The following KIFBP variants were observed in gnomAD, a reference collection of about 807,000 sequenced individuals.
The protein encoded by KIFBP is KIF-binding protein.
KIFBP carries 46 observed loss-of-function variants against 58.9 expected under a neutral mutation model. The ratio of observed to expected loss-of-function variants is 0.78; its 90% CI spans 0.62 to 1.00. KIFBP has a LOEUF of 1.00. Ranked by LOEUF, KIFBP falls within the 50% of genes least tolerant of loss-of-function variation. The pLI is 0.00. For synonymous variants in KIFBP, 241 were observed against 283.4 expected (o/e 0.85, Z 1.50); for missense variants, 651 against 752.9 (o/e 0.86, Z 1.58).
chr10:69,008,391 A>ATAAATAT (rs1554843385), intron 4 of KIFBP, among the ~76,000 whole-genome samples: 1 of 71,614 alleles, frequency 1.4e-5, no homozygotes, highest in East Asian at 3.7e-4. Flanking sequence ...AAAAAAAAAA[A>ATAAATAT]ATATATATAT....
intron 6 of KIFBP, among the ~76,000 whole-genome samples, chr10:69,014,470 G>A (rs1838960520): frequency 6.6e-6 from 1 of 152,180 alleles, no homozygotes; most frequent in African/African-American, 2.4e-5. Flanking sequence ...TGGAGCTGAG[G>A]GAGAGGGAGT....
chr10:69,013,026 C>T (rs778618791), intron 6 of KIFBP, among the ~76,000 whole-genome samples: 6 of 151,880 alleles, frequency 4.0e-5, no homozygotes, highest in Non-Finnish European at 7.4e-5. Flanking sequence ...CATGTCTTAC[C>T]ATGGCAAGCA....
rs1839002665 is a variant in KIFBP at position 69,016,124 on chromosome 10, G to A, written c.1574G>A (p.Arg525Lys). ...TACCAGCTCTTCTTAGACTCCCTGAGAGACCCAAATAAAGTATTCCCTGAG... is the reference window on the plus strand; with the variant it reads ...TACCAGCTCTTCTTAGACTCCCTGAAAGACCCAAATAAAGTATTCCCTGAG... ...KYYQLFLDSL[R>K]DPNKVFPEHI... is the part of the protein sequence containing the mutation. The change falls in exon 7 of 7, where the codon AGA becomes AAA. Residue 525 changes from arginine to lysine, a missense_variant. Arg to Lys is a conservative substitution (Grantham distance 26). Transcript: ENST00000361983. 1 of 1,614,140 alleles carries A rather than the reference G, an allele frequency of 6.2e-7. No individual in the cohort carries two copies. Among genetic ancestry groups the A allele is most frequent in the Non-Finnish European group, 8.5e-7 (1 of 1,180,020 alleles).
At chr10:69,001,253 G>C (rs1843462053) in intron 2 of KIFBP, among the ~76,000 whole-genome samples, 1 of 152,090 alleles carries the variant, frequency 6.6e-6, no homozygotes, top group African/African-American at 2.4e-5. Flanking sequence ...CCCCACTGCA[G>C]TAGCACAAAA....
At position 69,015,530 on chromosome 10, in the gene KIFBP, T is replaced by G. The variant is rs1200836912; in HGVS notation, c.991-11T>G. 3 of 1,612,650 alleles carry G rather than the reference T, an allele frequency of 1.9e-6. No homozygotes were observed. Among genetic ancestry groups the G allele is most frequent in the Non-Finnish European group, 1.7e-6 (2 of 1,179,592 alleles). On this transcript the variant is annotated splice_polypyrimidine_tract_variant and intron_variant, in intron 6 of 6. Transcript: ENST00000361983. ...TCCTACTTAACCATAATTTATTTTTTTTTCCTTCAGGACAACATAGGAGAG... is the reference window on the plus strand; with the variant it reads ...TCCTACTTAACCATAATTTATTTTTGTTTCCTTCAGGACAACATAGGAGAG...
intron 2 of KIFBP, among the ~76,000 whole-genome samples, chr10:69,003,925 A>T (rs1843499537): frequency 6.6e-6 from 1 of 152,102 alleles, no homozygotes; most frequent in South Asian, 2.1e-4. Context: ...TGCCATTTGA[A>T]ATACTTAAAG....
At chr10:69,015,503 T>C in intron 6 of KIFBP, 38 bp from the exon 7 acceptor site, 2 of 1,590,556 alleles carry the variant, frequency 1.3e-6, no homozygotes, top group Non-Finnish European at 1.7e-6. Flanking sequence ...AGGAGGTGAG[T>C]GTCCTACTTA....
chr10:69,012,396 G>C (rs1843605355), intron 6 of KIFBP, among the ~76,000 whole-genome samples: 1 of 152,096 alleles, frequency 6.6e-6, no homozygotes, highest in South Asian at 2.1e-4. Context: ...CTAAGCACTA[G>C]GGAGGATAAT....
intron 4 of KIFBP, 68 bp downstream of exon 4, chr10:69,005,983 C>A: frequency 8.2e-6 from 11 of 1,341,682 alleles, no homozygotes; most frequent in Non-Finnish European, 1.2e-5. Flanking sequence ...CCAGTAGTAC[C>A]TTGAAAATAC....
intron 2 of KIFBP, among the ~76,000 whole-genome samples, chr10:69,002,091 A>G (rs967701676): frequency 6.6e-6 from 1 of 151,930 alleles, no homozygotes; most frequent in Non-Finnish European, 1.5e-5. Context: ...GCTTGAGCCC[A>G]GGAGTTTGAG....
At position 69,005,115 on chromosome 10, in the gene KIFBP, A is replaced by G; in HGVS notation, c.595A>G (p.Arg199Gly). The change falls in exon 3 of 7, where the codon AGA becomes GGA. Residue 199 changes from arginine to glycine, a missense_variant. Transcript: ENST00000361983. ...PEEEKLTEQE[R>G]SKRFEKVYTH... ...AGAAGAGAAACTTACTGAACAAGAG[A>G]GATCAAAAAGGTGAGTAGGTATAGA... The G allele has an allele frequency of 6.2e-7, 1 of 1,610,530 alleles. No individual in the cohort carries two copies. The highest frequency in any genetic ancestry group is 1.3e-5 in the African/African-American group (1 of 74,976).
In KIFBP at chr10:69,005,860, A is replaced by C; in HGVS notation, c.734A>C (p.His245Pro). The change falls in exon 4 of 7, where the codon CAT becomes CCT. Residue 245 changes from histidine (H) to proline (P), a missense_variant. His to Pro is a moderately conservative substitution (Grantham distance 77). Transcript: ENST00000361983. Reference protein sequence around the residue: ...LKRQLEHNAYHPIEWAINAAT... With the variant: ...LKRQLEHNAYPPIEWAINAAT... ...CGCCAGCTTGAGCACAATGCCTACC[A>C]TCCTATAGAGTGGGCTATCAATGCT... 1 of 1,614,152 alleles carries C rather than the reference A, an allele frequency of 6.2e-7. No individual in the cohort carries two copies. Among genetic ancestry groups the C allele is most frequent in the Non-Finnish European group, 8.5e-7 (1 of 1,179,994 alleles).
intron 6 of KIFBP, among the ~76,000 whole-genome samples, chr10:69,015,016 G>C (rs1838977027): frequency 6.6e-6 from 1 of 152,024 alleles, no homozygotes. Context: ...TCTGCCTCCT[G>C]GGTTCAAGCG....
chr10:68,989,229 G>C lies in KIFBP; in HGVS notation c.397G>C (p.Asp133His). Residue 133 changes from aspartate to histidine, a missense_variant, in exon 1 of 7, where the codon GAC (aspartate) becomes CAC (histidine). By Grantham distance (81) the Asp-to-His change is moderately conservative (BLOSUM62 -1). Transcript: ENST00000361983. ...GCTGCGCAGGTACCGGCTCTCGCAC[G>C]ACTGCATCTCTCTCTGCATCCAGGC... ...RLLRRYRLSH[D>H]CISLCIQAQN... 1 of 1,613,554 alleles carries C rather than the reference G, an allele frequency of 6.2e-7. No individual in the cohort carries two copies. The highest frequency in any genetic ancestry group is 8.5e-7 in the Non-Finnish European group (1 of 1,179,958).
chr10:69,006,716 T>A (rs1483964477), intron 4 of KIFBP: 1 of 152,246 alleles, frequency 6.6e-6, no homozygotes, highest in East Asian at 1.9e-4. Flanking sequence ...GTTCTCTGCT[T>A]ATCAGAGTTC....
At position 69,005,030 on chromosome 10, in the gene KIFBP, T is replaced by C. The variant is rs372182181; in HGVS notation, c.526-16T>C. 4.6e-5 allele frequency: 73 copies of C among 1,603,514 alleles called. No individual in the cohort carries two copies. Among genetic ancestry groups the C allele is most frequent in the Non-Finnish European group, 5.5e-5 (64 of 1,170,512 alleles). ...AGTTTAAAACTTTAAAGAGCTTTTG[T>C]TTTTCTTAATTGTAGGTTGGGAGTC... On this transcript the variant is annotated splice_polypyrimidine_tract_variant and intron_variant, in intron 2 of 6. Coordinates refer to ENST00000361983, the MANE Select transcript of KIFBP (RefSeq NM_015634.4).
chr10:69,008,344 C>T (rs1252596439), intron 4 of KIFBP, among the ~76,000 whole-genome samples: 1 of 138,566 alleles, frequency 7.2e-6, no homozygotes, highest in Non-Finnish European at 1.5e-5. Context: ...CCACTGCACT[C>T]CAGCCTTGGG....
intron 6 of KIFBP, 55 bp from the exon 7 acceptor site, chr10:69,015,486 T>G: frequency 1.3e-6 from 2 of 1,538,514 alleles, no homozygotes; most frequent in Non-Finnish European, 1.8e-6. Flanking sequence ...TAATATTATT[T>G]AACAGCAGGA....
In KIFBP at chr10:69,005,724, C is replaced by A. The variant is rs771251932; in HGVS notation, c.606-8C>A. The stretch of plus-strand genomic sequence containing the variant: ...TTACACAAATATTGGTTTATTTTTT[C>A]TTTACAGATTTGAAAAGGTTTATAC... On this transcript the variant is annotated splice_region_variant and splice_polypyrimidine_tract_variant and intron_variant, in intron 3 of 6. Coordinates refer to ENST00000361983, the MANE Select transcript of KIFBP (RefSeq NM_015634.4). The A allele has an allele frequency of 1.1e-5, 18 of 1,570,916 alleles. No individual in the cohort carries two copies. The highest frequency in any genetic ancestry group is 1.6e-5 in the Non-Finnish European group (18 of 1,147,968).
Sources: allele counts gnomAD v4.1 joint callset (sites outside exome capture counted in the v4.1 genomes callset), GRCh38; gene constraint gnomAD v4.1.1; transcripts MANE v1.5; gene names NCBI Gene and HGNC (gene_info 2026-07-23, HGNC 2026-07-21).